The following PITPNM3 variants were observed in gnomAD, a reference collection of about 807,000 sequenced individuals.
PITPNM3 encodes membrane-associated phosphatidylinositol transfer protein 3.
A neutral mutation model predicts 102.0 loss-of-function variants in PITPNM3; 26 were observed. The ratio of observed to expected loss-of-function variants is 0.25; its 90% CI spans 0.19 to 0.35. PITPNM3 has a LOEUF of 0.35. Among genes scored for constraint, PITPNM3 ranks in the 10% least tolerant of loss-of-function variants. The pLI, the probability that PITPNM3 is intolerant of heterozygous loss-of-function variation, is 1.00. For missense variants in PITPNM3, 1,083 were observed against 1,346.1 expected (o/e 0.80, Z 3.06); for synonymous variants, 578 against 558.6 (o/e 1.03, Z -0.49).
chr17:6,513,985 T>C (rs559030475), intron 3 of PITPNM3, among the ~76,000 whole-genome samples: 1 of 152,344 alleles, frequency 6.6e-6, no homozygotes, highest in East Asian at 1.9e-4. Flanking sequence ...TATGATCTAT[T>C]GATTTTTGAC....
chr17:6,542,790 C>T (rs1316054778), intron 1 of PITPNM3, among the ~76,000 whole-genome samples: 1 of 152,256 alleles, frequency 6.6e-6, no homozygotes, highest in East Asian at 1.9e-4. Context: ...CAGGGGCCCT[C>T]CCCAAGGCCT....
chr17:6,468,306 G>T lies in PITPNM3; in HGVS notation c.1809C>A (p.Ser603Arg). 6.2e-7 allele frequency: 1 copy of T among 1,614,038 alleles called. No homozygotes were observed. The highest frequency in any genetic ancestry group is 8.5e-7 in the Non-Finnish European group (1 of 1,180,004). The change falls in exon 14 of 20, where the codon AGC becomes AGA. Residue 603 changes from serine (S) to arginine (R), a missense_variant. Physicochemically the swap from Ser to Arg is moderately radical, Grantham distance 110 (BLOSUM62 -1). Coordinates refer to ENST00000262483, the MANE Select transcript of PITPNM3 (RefSeq NM_031220.4). This position sits in a 1 kb window ranked among gnomAD's most constrained non-coding sequence, Gnocchi z 5.2. ...MRYESVNIKESARLDPAALSP... is the reference protein window; with the variant it reads ...MRYESVNIKERARLDPAALSP... The stretch of plus-strand genomic sequence containing the variant: ...TCAGTGCTGCAGGGTCCAGGCGGGC[G>T]CTTTCCTTGATGTTCACGCTCTCAT...
In PITPNM3 at chr17:6,468,591, G is replaced by T. The variant is rs1251365502; in HGVS notation, c.1774-250C>A. Among the ~76,000 whole-genome samples the T allele has an allele frequency of 1.3e-5, 2 of 152,068 alleles. No homozygotes were observed. The highest frequency in any genetic ancestry group is 4.8e-5 in the African/African-American group (2 of 41,404). ...CTCTGCCCCGCTGTGCCCAAACCTG[G>T]CAGCCACCTCTATCTGTCCCCACTC... On this transcript the variant is annotated intron_variant, in intron 13 of 19. Transcript: ENST00000262483. The surrounding 1 kb of genome is among the most constrained non-coding windows in gnomAD (Gnocchi z 5.2).
intron 11 of PITPNM3, 69 bp from the exon 12 acceptor site, chr17:6,471,424 C>G (rs1057094021): frequency 2.9e-6 from 4 of 1,385,130 alleles, no homozygotes; most frequent in Non-Finnish European, 3.9e-6. Context: ...CAGTGCCAGC[C>G]CCATGCTGGG....
intron 4 of PITPNM3, among the ~76,000 whole-genome samples, chr17:6,498,468 A>G (rs945038215): frequency 2.0e-5 from 3 of 152,242 alleles, no homozygotes; most frequent in Non-Finnish European, 2.9e-5. Flanking sequence ...TGTGAGAACC[A>G]GCCTTTCCTC....
At position 6,468,269 on chromosome 17, in the gene PITPNM3, G is replaced by A. The variant is rs1053178054; in HGVS notation, c.1846C>T (p.Pro616Ser). 9.3e-6 allele frequency: 15 copies of A among 1,613,740 alleles called. No homozygotes were observed. Among genetic ancestry groups the A allele is most frequent in the African/African-American group, 1.3e-5 (1 of 74,924 alleles). Residue 616 changes from proline to serine, a missense_variant, in exon 14 of 20, where the codon CCC (proline) becomes TCC (serine). This residue lies in a region of PITPNM3 where 410 missense variants were observed against 638.4 expected (regional missense o/e 0.64). Coordinates refer to ENST00000262483, the MANE Select transcript of PITPNM3 (RefSeq NM_031220.4). This position sits in a 1 kb window ranked among gnomAD's most constrained non-coding sequence, Gnocchi z 5.2. ...LDPAALSPAN[P>S]REKWLRKRTQ... Reference sequence around the variant, plus strand: ...CGCTTACGAAGCCACTTCTCCCGGGGGTTGGCAGGACTCAGTGCTGCAGGG... The same window carrying A: ...CGCTTACGAAGCCACTTCTCCCGGGAGTTGGCAGGACTCAGTGCTGCAGGG...
intron 1 of PITPNM3, among the ~76,000 whole-genome samples, chr17:6,546,666 C>T (rs1325459637): frequency 6.6e-6 from 1 of 152,216 alleles, no homozygotes; most frequent in Non-Finnish European, 1.5e-5. Context: ...GCACCCAGCA[C>T]AATCAAGGGC....
intron 3 of PITPNM3, among the ~76,000 whole-genome samples, chr17:6,505,856 A>C (rs897616963): frequency 6.6e-6 from 1 of 152,200 alleles, no homozygotes; most frequent in Non-Finnish European, 1.5e-5. Flanking sequence ...CTGCAATGAG[A>C]GGCGAGACCG....
intron 1 of PITPNM3, among the ~76,000 whole-genome samples, chr17:6,545,837 T>C (rs1807325): frequency 0.12 from 17,634 of 152,226 alleles, 1,133 homozygotes; most frequent in African/African-American, 0.16. Context: ...GCCTGCCCCA[T>C]TGGGCTGTGG....
In PITPNM3 at chr17:6,556,300, G is replaced by A; in HGVS notation, c.22+85C>T. On this transcript the variant is annotated intron_variant, in intron 1 of 19. Coordinates refer to ENST00000262483, the MANE Select transcript of PITPNM3 (RefSeq NM_031220.4). This position sits in a 1 kb window ranked among gnomAD's most constrained non-coding sequence, Gnocchi z 5.2. ...GGACCTCCGCCCACCTGCGCGAGGG[G>A]TTCACCTGGGCCGGCGGCCCCTCCT... 1 of 1,231,130 alleles carries A rather than the reference G, an allele frequency of 8.1e-7. No individual in the cohort carries two copies. Among genetic ancestry groups the A allele is most frequent in the Non-Finnish European group, 1.1e-6 (1 of 930,036 alleles). 76.3% of individuals were successfully genotyped at this position (1,231,130 alleles called of 1,614,324 possible).
At chr17:6,535,555 G>A (rs1016668977) in intron 2 of PITPNM3, among the ~76,000 whole-genome samples, 12 of 152,054 alleles carry the variant, frequency 7.9e-5, no homozygotes, top group African/African-American at 2.9e-4. Context: ...ACGAGGTCCT[G>A]TAGGGTGTGT....
In PITPNM3 at chr17:6,471,175, A is replaced by G; in HGVS notation, c.1610T>C (p.Val537Ala). ...ACCTCACTCACTGCGGGAGGCACCC[A>G]CGGGTGCCATGCTGTCCGAGGACTC... is the stretch of plus-strand genomic sequence containing the variant. ...SSESSDSMAP[V>A]GASRITAKWW... is the part of the protein sequence containing the mutation. The change falls in exon 12 of 20, where the codon GTG becomes GCG. Residue 537 changes from valine (V) to alanine (A), a missense_variant. Transcript: ENST00000262483. 6.2e-7 allele frequency: 1 copy of G among 1,612,472 alleles called. No individual in the cohort carries two copies. The highest frequency in any genetic ancestry group is 8.5e-7 in the Non-Finnish European group (1 of 1,179,958).
At chr17:6,553,754 A>C (rs2150686524) in intron 1 of PITPNM3, among the ~76,000 whole-genome samples, 8 of 148,314 alleles carry the variant, frequency 5.4e-5, no homozygotes, top group South Asian at 2.2e-4. Context: ...CCGCCGCCCC[A>C]CCCCGCCAGA....
rs1329709246 is a variant in PITPNM3 at position 6,457,603 on chromosome 17, G to A, written c.2610C>T (p.Thr870=). ...IVGRPTKKYQ[T]QCQFLSEGYA... ...CCCCGCCTCCACCCACCTGGCACTGGGTTTGGTACTTCTTGGTGGGCCGGC... is the reference window on the plus strand; with the variant it reads ...CCCCGCCTCCACCCACCTGGCACTGAGTTTGGTACTTCTTGGTGGGCCGGC... The change falls in exon 19 of 20, where the codon ACC becomes ACT. Residue 870 remains threonine (T), a synonymous_variant. Transcript: ENST00000262483. The surrounding 1 kb of genome is among the most constrained non-coding windows in gnomAD (Gnocchi z 4.7). The A allele has an allele frequency of 6.2e-7, 1 of 1,610,708 alleles. No individual in the cohort carries two copies. Among genetic ancestry groups the A allele is most frequent in the East Asian group, 2.2e-5 (1 of 44,648 alleles).
rs753077741 is a variant in PITPNM3 at position 6,483,762 on chromosome 17, A to C, written c.352-10T>G. 3 of 1,609,768 alleles carry C rather than the reference A, an allele frequency of 1.9e-6. No homozygotes were observed. The highest frequency in any genetic ancestry group is 2.2e-5 in the South Asian group (2 of 91,054). ...GCTGCGGGCAGCCTTCCTGAGAGCC[A>C]AGGCGGTTGGAATACAGAGAGAGAG... On this transcript the variant is annotated splice_polypyrimidine_tract_variant and intron_variant, in intron 5 of 19. Transcript: ENST00000262483.
chr17:6,545,577 G>C (rs1909977575), intron 1 of PITPNM3, among the ~76,000 whole-genome samples: 1 of 152,216 alleles, frequency 6.6e-6, no homozygotes, highest in East Asian at 1.9e-4. Context: ...GGCTTCAGCA[G>C]CACATTGCCA....
intron 2 of PITPNM3, among the ~76,000 whole-genome samples, chr17:6,528,525 G>T (rs1168693625): frequency 2.9e-5 from 4 of 138,536 alleles, no homozygotes; most frequent in African/African-American, 1.0e-4. Flanking sequence ...TTGTGTGCAT[G>T]TGTGTACATG....
intron 2 of PITPNM3, among the ~76,000 whole-genome samples, chr17:6,526,470 G>A (rs1908841216): frequency 6.6e-6 from 1 of 152,200 alleles, no homozygotes; most frequent in Admixed American, 6.5e-5. Context: ...TGATAATTAA[G>A]AATAAAGGGT....
At chr17:6,546,295 C>T (rs1485257924) in intron 1 of PITPNM3, among the ~76,000 whole-genome samples, 1 of 152,200 alleles carries the variant, frequency 6.6e-6, no homozygotes. Context: ...CCTATCTGCC[C>T]GAGTACGCTG....
Sources: gnomAD v4.1 joint callset for allele counts (sites outside exome capture counted in the v4.1 genomes callset) on GRCh38, gnomAD v4.1.1 for gene constraint, gnomAD v4.1.1 regional missense constraint, Gnocchi (gnomAD v3.1) non-coding constraint, MANE v1.5 for transcripts, NCBI Gene and HGNC (gene_info 2026-07-23, HGNC 2026-07-21) for gene names.